The following ESRRG variants were observed in gnomAD, a reference collection of about 807,000 sequenced individuals.
ESRRG encodes estrogen-related receptor gamma.
A neutral mutation model predicts 44.0 loss-of-function variants in ESRRG; 13 were observed. That is an observed-to-expected ratio of 0.30 (90% confidence interval 0.19 to 0.47). The LOEUF (loss-of-function observed/expected upper bound fraction) is 0.47. Ranked by LOEUF, ESRRG falls within the 20% of genes least tolerant of loss-of-function variation. The pLI, the probability that ESRRG is intolerant of heterozygous loss-of-function variation, is 1.00. For missense variants in ESRRG, 395 were observed against 580.6 expected (o/e 0.68, Z 3.29); for synonymous variants, 215 against 214.6 (o/e 1.00, Z -0.02).
chr1:216,856,200 G>T (rs148033425), intron 2 of ESRRG, among the ~76,000 whole-genome samples: 2 of 151,964 alleles, frequency 1.3e-5, no homozygotes, highest in African/African-American at 2.4e-5. Context: ...ATAGAATAGA[G>T]TTGATACACA....
chr1:216,677,498 T>C lies in ESRRG; in HGVS notation c.57-7A>G. The stretch of plus-strand genomic sequence containing the variant: ...TGACATTCTGCAGAGAAGCCTGAGA[T>C]TGAGGAGATACAAAGAGAGACAGAA... On this transcript the variant is annotated splice_region_variant and splice_polypyrimidine_tract_variant and intron_variant, in intron 1 of 6. Transcript: ENST00000408911. 1 of 1,592,768 alleles carries C rather than the reference T, an allele frequency of 6.3e-7. No individual in the cohort carries two copies. Among genetic ancestry groups the C allele is most frequent in the Non-Finnish European group, 8.6e-7 (1 of 1,167,966 alleles).
intron 2 of ESRRG, among the ~76,000 whole-genome samples, chr1:216,903,310 T>C (rs1386777013): frequency 1.3e-5 from 2 of 152,116 alleles, no homozygotes; most frequent in South Asian, 2.1e-4. Flanking sequence ...AGATCATGAC[T>C]CTTGTAGCAC....
chr1:216,817,620 A>G (rs1478885110), intron 2 of ESRRG, among the ~76,000 whole-genome samples: 1 of 152,212 alleles, frequency 6.6e-6, no homozygotes, highest in Non-Finnish European at 1.5e-5. Context: ...AACATCTAAT[A>G]TTCCATTTTT....
chr1:216,577,034 AAAAG>A (rs1357831903), intron 3 of ESRRG, among the ~76,000 whole-genome samples: 2 of 152,024 alleles, frequency 1.3e-5, no homozygotes, highest in Non-Finnish European at 2.9e-5. Context: ...AAGGGGGAAA[AAAAG>A]AAAGAAAGAA....
At chr1:217,016,192 T>A (rs2079355117) in intron 1 of ESRRG, among the ~76,000 whole-genome samples, 2 of 152,044 alleles carry the variant, frequency 1.3e-5, no homozygotes, top group Admixed American at 6.6e-5. Context: ...GAGAATATAT[T>A]ATCATAATGC....
chr1:216,910,620 G>T (rs911328887), intron 2 of ESRRG, among the ~76,000 whole-genome samples: 3 of 152,180 alleles, frequency 2.0e-5, no homozygotes, highest in African/African-American at 7.2e-5. Flanking sequence ...GGACACTATT[G>T]AATAAGTTTG....
intron 2 of ESRRG, among the ~76,000 whole-genome samples, chr1:216,733,341 C>T (rs79696763): frequency 0.022 from 3,298 of 151,158 alleles, 56 homozygotes; most frequent in Middle Eastern, 0.055. Flanking sequence ...CCACATGTTG[C>T]TTTCCCTATT....
At chr1:216,924,966 C>G (rs866744652) in intron 2 of ESRRG, among the ~76,000 whole-genome samples, 14 of 152,122 alleles carry the variant, frequency 9.2e-5, no homozygotes, top group Admixed American at 3.3e-4. Context: ...CCAAAGCTTC[C>G]TGGTTTTCTT....
intron 1 of ESRRG, among the ~76,000 whole-genome samples, chr1:217,060,090 C>G (rs72741487): frequency 6.6e-6 from 1 of 151,598 alleles, no homozygotes; most frequent in South Asian, 2.1e-4. Flanking sequence ...CTTGTCCTGG[C>G]CGGCATACAA....
intron 1 of ESRRG, among the ~76,000 whole-genome samples, chr1:216,683,730 T>C (rs1345812514): frequency 6.6e-6 from 1 of 152,224 alleles, no homozygotes; most frequent in Non-Finnish European, 1.5e-5. Flanking sequence ...CCATGCATTA[T>C]AATTTCATAC....
intron 2 of ESRRG, among the ~76,000 whole-genome samples, chr1:216,756,647 G>A (rs1239138992): frequency 6.6e-6 from 1 of 152,004 alleles, no homozygotes; most frequent in African/African-American, 2.4e-5. Flanking sequence ...CTATGAATAA[G>A]ATTTCCAAAG....
At position 216,905,773 on chromosome 1, in the gene ESRRG, T is replaced by C. The variant is rs892869594; in HGVS notation, c.-14+33809A>G. Among the ~76,000 whole-genome samples, 3 of 152,320 alleles carry C rather than the reference T, an allele frequency of 2.0e-5. No individual in the cohort carries two copies. The South Asian group carries it at 6.2e-4, about 32-fold the overall frequency. The stretch of plus-strand genomic sequence containing the variant: ...TCTTTTCTTTTTTTGAAACAGGGTC[T>C]CACTTTGTCACCCAGGCTTGAGTGC... On this transcript the variant is annotated intron_variant, in intron 2 of 7. Transcript: ENST00000359162.
At chr1:216,634,959 T>G (rs796754728) in intron 3 of ESRRG, among the ~76,000 whole-genome samples, 19 of 152,216 alleles carry the variant, frequency 1.2e-4, no homozygotes, top group African/African-American at 4.3e-4. Flanking sequence ...TTTCTTTGTT[T>G]CCCCTCCTTT....
chr1:216,591,996 G>C (rs908680512), intron 3 of ESRRG, among the ~76,000 whole-genome samples: 1 of 152,170 alleles, frequency 6.6e-6, no homozygotes, highest in African/African-American at 2.4e-5. Context: ...CCAAGATAAT[G>C]TCATCAGTAA....
At chr1:216,728,199 A>C (rs1010791199), upstream of ESRRG, among the ~76,000 whole-genome samples, 2 of 152,218 alleles carry the variant, frequency 1.3e-5, no homozygotes, top group African/African-American at 4.8e-5. Flanking sequence ...GAGATTATAC[A>C]TTAATAAATA....
intron 2 of ESRRG, among the ~76,000 whole-genome samples, chr1:216,661,134 C>T (rs1170978471): frequency 3.9e-5 from 6 of 152,112 alleles, no homozygotes; most frequent in African/African-American, 7.2e-5. Flanking sequence ...ATGATGTCTT[C>T]TTGTAAAAGG....
chr1:216,814,578 T>A (rs2095075946), intron 2 of ESRRG, among the ~76,000 whole-genome samples: 1 of 152,240 alleles, frequency 6.6e-6, no homozygotes, highest in South Asian at 2.1e-4. Flanking sequence ...TATAAATGTT[T>A]TTTAACCTAA....
At chr1:216,676,683 G>A (rs2076168166) in intron 2 of ESRRG, among the ~76,000 whole-genome samples, 1 of 152,162 alleles carries the variant, frequency 6.6e-6, no homozygotes, top group South Asian at 2.1e-4. Context: ...CTCAAGTTTG[G>A]AAATCACTGG....
intron 1 of ESRRG, among the ~76,000 whole-genome samples, chr1:216,677,908 C>A (rs563210167): frequency 1.1e-4 from 17 of 152,300 alleles, no homozygotes; most frequent in Non-Finnish European, 2.2e-4. Context: ...AAAGTCTATA[C>A]CATTTCTAAA....
Sources: gnomAD v4.1 joint callset for allele counts (sites outside exome capture counted in the v4.1 genomes callset) on GRCh38, gnomAD v4.1.1 for gene constraint, MANE v1.5 for transcripts, NCBI Gene and HGNC (gene_info 2026-07-23, HGNC 2026-07-21) for gene names.